The following CNPY1 variants were observed in gnomAD, a reference collection of about 807,000 sequenced individuals.
CNPY1 encodes the protein protein canopy homolog 1.
CNPY1 carries 14 observed loss-of-function variants against 14.4 expected under a neutral mutation model. The observed-to-expected ratio is 0.97, with a 90% CI of 0.64 to 1.52. The LOEUF (loss-of-function observed/expected upper bound fraction) is 1.52. Among genes scored for constraint, CNPY1 ranks in the 40% most tolerant of loss-of-function variants. The pLI, the probability that CNPY1 is intolerant of heterozygous loss-of-function variation, is 0.00. For synonymous variants in CNPY1, 43 were observed against 46.5 expected, an observed-to-expected ratio of 0.92 and a Z score of 0.31; for missense variants, 129 against 131.5, an observed-to-expected ratio of 0.98 and a Z score of 0.09.
chr7:155,515,276 G>C (rs1055030592), intron 2 of CNPY1, among the ~76,000 whole-genome samples: 2 of 148,638 alleles, frequency 1.3e-5, no homozygotes, highest in African/African-American at 2.5e-5. Flanking sequence ...TCCACACCCT[G>C]GTCCTGGTCT....
At chr7:155,531,202 G>A (rs903236761) in intron 2 of CNPY1, among the ~76,000 whole-genome samples, 7 of 152,276 alleles carry the variant, frequency 4.6e-5, no homozygotes, top group African/African-American at 1.2e-4. Flanking sequence ...GCTGAGAGCC[G>A]GTGCTGCAAA....
intron 2 of CNPY1, among the ~76,000 whole-genome samples, chr7:155,521,365 A>G (rs1427280529): frequency 6.6e-6 from 1 of 152,230 alleles, no homozygotes; most frequent in Non-Finnish European, 1.5e-5. Context: ...CAAGAATGAC[A>G]GACAAAGAAC....
intron 2 of CNPY1, among the ~76,000 whole-genome samples, chr7:155,513,885 C>A (rs1796569592): frequency 6.6e-6 from 1 of 152,152 alleles, no homozygotes. Flanking sequence ...ACGTATTCTG[C>A]CAGTTTGAAA....
intron 2 of CNPY1, among the ~76,000 whole-genome samples, chr7:155,514,478 C>T (rs1313034686): frequency 2.0e-5 from 3 of 152,214 alleles, no homozygotes; most frequent in Non-Finnish European, 4.4e-5. Context: ...TTTGGAACCA[C>T]CTCTGCAAAA....
At chr7:155,508,816 A>G (rs1274044121) in intron 3 of CNPY1, 78 bp downstream of exon 3, 29 of 1,450,952 alleles carry the variant, frequency 2.0e-5, no homozygotes, top group Non-Finnish European at 2.7e-5. Context: ...AACCACAACA[A>G]GAGTAGAAAA....
At chr7:155,519,602 C>T (rs990847482) in intron 2 of CNPY1, among the ~76,000 whole-genome samples, 4 of 150,250 alleles carry the variant, frequency 2.7e-5, no homozygotes, top group Admixed American at 2.6e-4. Context: ...GTATAAAGAA[C>T]AGATTGAATC....
chr7:155,546,321 G>T (rs1483040430), intron 1 of CNPY1, 108 bp downstream of exon 1: 17 of 394,008 alleles, frequency 4.3e-5, no homozygotes, highest in Non-Finnish European at 6.7e-5. Flanking sequence ...GAGTAGCTTG[G>T]ACTACAGGCA....
intron 2 of CNPY1, among the ~76,000 whole-genome samples, chr7:155,516,976 A>G (rs1004286499): frequency 2.6e-5 from 4 of 152,190 alleles, no homozygotes; most frequent in African/African-American, 9.7e-5. Flanking sequence ...TAGCTGAGAC[A>G]TGGCCGCTGG....
intron 2 of CNPY1, among the ~76,000 whole-genome samples, chr7:155,529,990 C>T (rs1419814634): frequency 1.1e-4 from 16 of 151,998 alleles, no homozygotes; most frequent in Admixed American, 1.0e-3. Context: ...ACCATGTTGG[C>T]CAGGCTGGTC....
intron 3 of CNPY1, among the ~76,000 whole-genome samples, chr7:155,508,386 GAA>G (rs1317750716): frequency 1.3e-5 from 2 of 152,094 alleles, no homozygotes; most frequent in South Asian, 2.1e-4. Context: ...TCAAGCCTTA[GAA>G]AAAAAGAGGT....
rs1317124567 is a variant in CNPY1 at position 155,545,949 on chromosome 7, C to T, written c.-14-6G>A. ...GTCCATCAGCGCCCTGCACGCTAAA[C>T]AAGACACAAAACAGCTGTGATCAGA... On this transcript the variant is annotated splice_region_variant and splice_polypyrimidine_tract_variant and intron_variant, in intron 1 of 4. Coordinates refer to ENST00000636446, the MANE Select transcript of CNPY1 (RefSeq NM_001393663.1). 2.5e-6 allele frequency: 1 copy of T among 398,498 alleles called. No homozygotes were observed. Among genetic ancestry groups the T allele is most frequent in the Non-Finnish European group, 4.4e-6 (1 of 226,100 alleles). The allele number at this position is 398,498 out of a possible 1,614,324, so 24.7% of individuals were successfully genotyped here.
At chr7:155,532,504 C>T (rs1030666171) in intron 2 of CNPY1, among the ~76,000 whole-genome samples, 1 of 151,930 alleles carries the variant, frequency 6.6e-6, no homozygotes, top group Non-Finnish European at 1.5e-5. Context: ...GCCTGTAGTC[C>T]CAGCTACTCG....
At chr7:155,516,958 C>G (rs538598722) in intron 2 of CNPY1, among the ~76,000 whole-genome samples, 6 of 152,340 alleles carry the variant, frequency 3.9e-5, no homozygotes, top group African/African-American at 1.4e-4. Context: ...CTCCGCCACC[C>G]TGGCCTTTAG....
chr7:155,517,813 G>A lies in CNPY1; in HGVS notation c.100-8716C>T, dbSNP rs116353810. 1.2e-3 allele frequency among the ~76,000 whole-genome samples: 182 copies of A among 152,350 alleles called. 3 individuals are homozygous for A. The highest frequency in any genetic ancestry group is 4.3e-3 in the African/African-American group (178 of 41,578). ...GCATCCTCCTCTGTAGAACCAGGGC[G>A]ATGATATCCACCTTAATCAAGTAAT... On this transcript the variant is annotated intron_variant, in intron 2 of 4. Transcript: ENST00000636446.
At chr7:155,532,199 G>GCTA (rs1485200156) in intron 2 of CNPY1, among the ~76,000 whole-genome samples, 4 of 152,226 alleles carry the variant, frequency 2.6e-5, no homozygotes, top group African/African-American at 9.6e-5. Flanking sequence ...TGATGACAAA[G>GCTA]CTAGCTTCGT....
intron 2 of CNPY1, among the ~76,000 whole-genome samples, chr7:155,512,016 T>C (rs1796541927): frequency 6.6e-6 from 1 of 152,178 alleles, no homozygotes; most frequent in South Asian, 2.1e-4. Flanking sequence ...CTCAAAGTGT[T>C]TTGATTATAA....
rs62481204 is a variant in CNPY1 at position 155,528,345 on chromosome 7, G to A, written c.99+17486C>T. The stretch of plus-strand genomic sequence containing the variant: ...AGGACTGTGGTGGGCGGGCCCAGGA[G>A]CCCAGACTCGCCCATTCTGGGCAAG... On this transcript the variant is annotated intron_variant, in intron 2 of 4. Transcript: ENST00000636446. Among the ~76,000 whole-genome samples, 1,221 of 152,352 alleles carry A rather than the reference G, an allele frequency of 8.0e-3. 8 individuals are homozygous for A. The highest frequency in any genetic ancestry group is 0.014 in the Non-Finnish European group (936 of 68,036).
At chr7:155,544,567 G>A (rs1023183971) in intron 2 of CNPY1, among the ~76,000 whole-genome samples, 2 of 152,216 alleles carry the variant, frequency 1.3e-5, no homozygotes, top group African/African-American at 4.8e-5. Context: ...TGCACACACA[G>A]ACAGGCACTC....
chr7:155,521,484 G>A (rs1796723448), intron 2 of CNPY1, among the ~76,000 whole-genome samples: 1 of 152,180 alleles, frequency 6.6e-6, no homozygotes, highest in African/African-American at 2.4e-5. Flanking sequence ...TGCTGGATGT[G>A]AAGATACAGC....
Sources: allele counts gnomAD v4.1 joint callset (sites outside exome capture counted in the v4.1 genomes callset), GRCh38; gene constraint gnomAD v4.1.1; transcripts MANE v1.5; gene names NCBI Gene and HGNC (gene_info 2026-07-23, HGNC 2026-07-21).